The following NOS1AP variants were observed in gnomAD, a reference collection of about 807,000 sequenced individuals.
NOS1AP encodes the protein carboxyl-terminal PDZ ligand of neuronal nitric oxide synthase protein.
Under a neutral mutation model 56.2 loss-of-function variants are expected in NOS1AP, and 21 were observed. The observed-to-expected ratio is 0.37, with a 90% CI of 0.26 to 0.54. NOS1AP has a LOEUF of 0.54. NOS1AP is among the 20% of genes least tolerant of loss of function. NOS1AP has a pLI of 0.84. For missense variants in NOS1AP, 522 were observed against 657.8 expected (o/e 0.79, Z 2.26); for synonymous variants, 270 against 274.6 (o/e 0.98, Z 0.17).
At chr1:162,196,798 G>T (rs574031024) in intron 2 of NOS1AP, among the ~76,000 whole-genome samples, 1 of 152,190 alleles carries the variant, frequency 6.6e-6, no homozygotes, top group Non-Finnish European at 1.5e-5. Flanking sequence ...GGGTTGCTTG[G>T]GGGGAACAGA....
chr1:162,274,240 C>T (rs1219589014), intron 2 of NOS1AP, among the ~76,000 whole-genome samples: 4 of 152,194 alleles, frequency 2.6e-5, no homozygotes, highest in African/African-American at 9.6e-5. Context: ...GTGCTGGACC[C>T]TGTTGACTTC....
chr1:162,276,674 C>T (rs1373299184), intron 2 of NOS1AP, among the ~76,000 whole-genome samples: 1 of 152,184 alleles, frequency 6.6e-6, no homozygotes, highest in African/African-American at 2.4e-5. Flanking sequence ...TTCCACTTTA[C>T]AATCCCATAA....
chr1:162,355,478 G>A, intron 7 of NOS1AP, 125 bp downstream of exon 7: 1 of 1,208,878 alleles, frequency 8.3e-7, no homozygotes, highest in Non-Finnish European at 1.2e-6. Context: ...CGGTGCCAGA[G>A]CGCACTTCAT....
chr1:162,130,221 A>G (rs1334864671), intron 1 of NOS1AP, among the ~76,000 whole-genome samples: 1 of 152,210 alleles, frequency 6.6e-6, no homozygotes, highest in Non-Finnish European at 1.5e-5. Context: ...CATCTTCTTC[A>G]TTTTGCAGAT....
intron 2 of NOS1AP, among the ~76,000 whole-genome samples, chr1:162,226,327 T>C (rs896595921): frequency 2.6e-5 from 4 of 152,192 alleles, no homozygotes. Flanking sequence ...GCTATGGTGC[T>C]AGGCCCTGGG....
At chr1:162,195,407 C>G (rs1012678426) in intron 2 of NOS1AP, among the ~76,000 whole-genome samples, 1 of 151,958 alleles carries the variant, frequency 6.6e-6, no homozygotes, top group Non-Finnish European at 1.5e-5. Flanking sequence ...CCCTTGAAAA[C>G]ACTAGTAATG....
chr1:162,084,217 T>C (rs1691956509), intron 1 of NOS1AP, among the ~76,000 whole-genome samples: 1 of 152,210 alleles, frequency 6.6e-6, no homozygotes, highest in South Asian at 2.1e-4. Flanking sequence ...ATTTTCTTGG[T>C]TCTTGGAGTG....
At position 162,341,687 on chromosome 1, in the gene NOS1AP, G is replaced by A. The variant is rs561580892; in HGVS notation, c.454-2148G>A. 3.2e-4 allele frequency among the ~76,000 whole-genome samples: 48 copies of A among 152,268 alleles called. 2 individuals are homozygous for A. The South Asian group carries it at 8.3e-3, about 26-fold the overall frequency. ...TAGTAAACTAGTAACGAGCTTTGCC[G>A]TAGACGATTAACCATAGGCAGTCTG... On this transcript the variant is annotated intron_variant, in intron 5 of 9. Coordinates refer to ENST00000361897, the MANE Select transcript of NOS1AP (RefSeq NM_014697.3).
At chr1:162,269,135 T>G (rs1654511470) in intron 2 of NOS1AP, among the ~76,000 whole-genome samples, 1 of 152,224 alleles carries the variant, frequency 6.6e-6, no homozygotes, top group Non-Finnish European at 1.5e-5. Flanking sequence ...TCTTCTGAGC[T>G]GGCCCTTTCC....
At position 162,365,476 on chromosome 1, in the gene NOS1AP, C is replaced by A; in HGVS notation, c.1012C>A (p.Leu338Ile). The stretch of plus-strand genomic sequence containing the variant: ...GGAGGCCCAGGCTCGCGTGCATCAG[C>A]TTTTGCTGCAGAACAAGGACATGCT... ...RLEAQARVHQLLLQNKDMLQH... is the reference protein window; with the variant it reads ...RLEAQARVHQILLQNKDMLQH... The change falls in exon 9 of 10, where the codon CTT becomes ATT. Residue 338 changes from leucine (L) to isoleucine (I), a missense_variant. Physicochemically the swap from Leu to Ile is conservative, Grantham distance 5 (BLOSUM62 2). Transcript: ENST00000361897. The A allele has an allele frequency of 1.9e-6, 3 of 1,614,036 alleles. No homozygotes were observed. The highest frequency in any genetic ancestry group is 2.5e-6 in the Non-Finnish European group (3 of 1,180,028).
rs188517132 is a variant in NOS1AP, at chr1:162,368,459, G to T, written c.*992G>T. On this transcript the variant is annotated 3_prime_UTR_variant, in exon 10 of 10. Coordinates refer to ENST00000361897, the MANE Select transcript of NOS1AP (RefSeq NM_014697.3). The stretch of plus-strand genomic sequence containing the variant: ...ACTGCAAAAAAAAAAAAAGAAAAAA[G>T]AGAAAGAAAAAAAAGAATGAATGCA... The T allele has an allele frequency of 6.8e-6, 1 of 147,636 alleles. No homozygotes were observed. Among genetic ancestry groups the T allele is most frequent in the Non-Finnish European group, 1.5e-5 (1 of 67,392 alleles). 9.1% of individuals were successfully genotyped at this position (147,636 alleles called of 1,614,324 possible).
At position 162,154,457 on chromosome 1, in the gene NOS1AP, C is replaced by T; in HGVS notation, c.158C>T (p.Ala53Val). ...PRPNSRVEIV[A>V]AMRRIRYEFK... Reference sequence around the variant, plus strand: ...CCCAACAGCAGGGTGGAGATCGTGGCTGCCATGCGCCGGATACGGGTGAGT... The same window carrying T: ...CCCAACAGCAGGGTGGAGATCGTGGTTGCCATGCGCCGGATACGGGTGAGT... The change falls in exon 2 of 10, where the codon GCT becomes GTT. Residue 53 changes from alanine to valine, a missense_variant. This residue lies in a region of NOS1AP where 132 missense variants were observed against 218.1 expected (regional missense o/e 0.61). Transcript: ENST00000361897. The T allele has an allele frequency of 2.5e-6, 4 of 1,614,046 alleles. No individual in the cohort carries two copies. The highest frequency in any genetic ancestry group is 3.4e-6 in the Non-Finnish European group (4 of 1,179,972).
intron 1 of NOS1AP, 37 bp from the exon 2 acceptor site, chr1:162,154,368 C>T (rs377494943): frequency 1.9e-6 from 3 of 1,599,254 alleles, no homozygotes; most frequent in African/African-American, 2.7e-5. Context: ...ACACTTGCTA[C>T]CCCTCCTCTC....
intron 1 of NOS1AP, among the ~76,000 whole-genome samples, chr1:162,142,280 A>G (rs1454269553): frequency 6.6e-6 from 1 of 152,186 alleles, no homozygotes. Flanking sequence ...AAGAGTGGAC[A>G]TCCTTATCTC....
chr1:162,252,520 A>C (rs1653898475), intron 2 of NOS1AP, among the ~76,000 whole-genome samples: 1 of 152,220 alleles, frequency 6.6e-6, no homozygotes, highest in Non-Finnish European at 1.5e-5. Flanking sequence ...TGAGGTCAGC[A>C]AGCCCATTCT....
At chr1:162,081,503 A>C (rs1570993491) in intron 1 of NOS1AP, among the ~76,000 whole-genome samples, 1 of 144,062 alleles carries the variant, frequency 6.9e-6, no homozygotes, top group African/African-American at 2.6e-5. Context: ...GTGGCATTTC[A>C]CTCCTTTCAA....
intron 4 of NOS1AP, among the ~76,000 whole-genome samples, chr1:162,305,009 T>C (rs1655776612): frequency 6.6e-6 from 1 of 152,212 alleles, no homozygotes; most frequent in African/African-American, 2.4e-5. Flanking sequence ...AAACGCTGGC[T>C]TACTGAAGTG....
intron 2 of NOS1AP, among the ~76,000 whole-genome samples, chr1:162,169,407 G>A (rs1432650117): frequency 1.3e-5 from 2 of 152,194 alleles, no homozygotes; most frequent in African/African-American, 2.4e-5. Flanking sequence ...GTGCTAATGA[G>A]GAGTCAGTAG....
At chr1:162,344,105 T>C in intron 6 of NOS1AP, 129 bp downstream of exon 6, 1 of 1,008,212 alleles carries the variant, frequency 9.9e-7, no homozygotes, top group East Asian at 2.6e-5. Context: ...CGTTTCTCTC[T>C]AAATTCTAGA....
Sources: allele counts gnomAD v4.1 joint callset (sites outside exome capture counted in the v4.1 genomes callset), GRCh38; gene constraint gnomAD v4.1.1; regional missense constraint gnomAD v4.1.1; transcripts MANE v1.5; gene names NCBI Gene and HGNC (gene_info 2026-07-23, HGNC 2026-07-21).